PMFBP1: variants seen among roughly 807,000 people sequenced by gnomAD.
PMFBP1 encodes polyamine modulated factor 1 binding protein 1, also known as polyamine-modulated factor 1-binding protein 1.
A neutral mutation model predicts 137.8 loss-of-function variants in PMFBP1; 131 were observed. That is an observed-to-expected ratio of 0.95 (90% CI 0.82 to 1.10). PMFBP1 has a LOEUF of 1.10. Ranked by LOEUF, PMFBP1 falls within the 50% of genes least tolerant of loss-of-function variation. The pLI, the probability that PMFBP1 is intolerant of heterozygous loss-of-function variation, is 0.00. For synonymous variants in PMFBP1, 490 were observed against 450.4 expected (o/e 1.09, Z -1.11); for missense variants, 1,199 against 1,175.4 (o/e 1.02, Z -0.29).
chr16:72,141,085 C>T (rs905359944), intron 5 of PMFBP1, among the ~76,000 whole-genome samples: 52 of 152,002 alleles, frequency 3.4e-4, no homozygotes, highest in African/African-American at 1.2e-3. Flanking sequence ...CAGGCATGTG[C>T]CACCATGCCG....
chr16:72,228,431 C>T, the PMFBP1 span, among the ~76,000 whole-genome samples: 3 of 152,306 alleles, frequency 2.0e-5, no homozygotes, highest in East Asian at 5.8e-4. Flanking sequence ...CTACAATGGA[C>T]TCCATCTGCA....
At position 72,140,541 on chromosome 16, in the gene PMFBP1, G is replaced by A; in HGVS notation, c.678C>T (p.Tyr226=). The A allele has an allele frequency of 1.2e-6, 2 of 1,613,662 alleles. No individual in the cohort carries two copies. The highest frequency in any genetic ancestry group is 1.7e-6 in the Non-Finnish European group (2 of 1,179,626). The change falls in exon 6 of 21, where the codon TAC becomes TAT. Residue 226 remains tyrosine (Y), a synonymous_variant. Transcript: ENST00000237353. ...GCTCTTGAATCATGCAAGGAGAAGT[G>A]TATATCCGTACCTTTGAATGATCAC... ...NKGDHSKVRI[Y]TSPCMIQEHQ...
Position 72,164,576 on chromosome 16 carries a change from C to T in PMFBP1, c.165+188G>A, listed in dbSNP as rs573842598. ...GAGATAGATGGAAAAGTCCTGAAGG[C>T]AGGACTGGCATTTTCCATGTGTATG... is the stretch of plus-strand genomic sequence containing the variant. On this transcript the variant is annotated intron_variant, in intron 3 of 20. Coordinates refer to ENST00000237353, the MANE Select transcript of PMFBP1 (RefSeq NM_031293.3). 80 of 1,238,836 alleles carry T rather than the reference C, an allele frequency of 6.5e-5. No homozygotes were observed. In the African/African-American group the frequency reaches 1.1e-3, roughly 18 times the overall value. 76.7% of individuals were successfully genotyped at this position (1,238,836 alleles called of 1,614,324 possible).
intron 12 of PMFBP1, among the ~76,000 whole-genome samples, chr16:72,129,856 C>A (rs2042520540): frequency 6.6e-6 from 1 of 151,516 alleles, no homozygotes; most frequent in South Asian, 2.1e-4. Context: ...TAATCTTTTT[C>A]TTTTTTTTGA....
At chr16:72,144,227 G>C (rs1050465603) in intron 5 of PMFBP1, among the ~76,000 whole-genome samples, 1 of 151,988 alleles carries the variant, frequency 6.6e-6, no homozygotes, top group Non-Finnish European at 1.5e-5. Context: ...ATTCCACAGG[G>C]CATGCTAATT....
At chr16:72,237,156 T>C in the PMFBP1 span, among the ~76,000 whole-genome samples, 14 of 152,308 alleles carry the variant, frequency 9.2e-5, no homozygotes, top group East Asian at 1.9e-3. Context: ...AGGAAAATCA[T>C]TGAGCAGACA....
upstream of PMFBP1, among the ~76,000 whole-genome samples, chr16:72,179,527 G>C (rs2043269485): frequency 6.6e-6 from 1 of 152,106 alleles, no homozygotes; most frequent in Non-Finnish European, 1.5e-5. Context: ...GCAGAAATGG[G>C]CTTATAAGAT....
At chr16:72,176,458 T>G (rs2043259833), upstream of PMFBP1, among the ~76,000 whole-genome samples, 1 of 152,240 alleles carries the variant, frequency 6.6e-6, no homozygotes, top group African/African-American at 2.4e-5. Context: ...TAGCCTCTCT[T>G]GCAGCTAGGT....
the PMFBP1 span, among the ~76,000 whole-genome samples, chr16:72,247,309 A>C: frequency 6.6e-6 from 1 of 152,230 alleles, no homozygotes; most frequent in African/African-American, 2.4e-5. Context: ...CCAGGAGAGA[A>C]AAGCAGCATC....
At chr16:72,170,725 C>T (rs763172556) in intron 2 of PMFBP1, among the ~76,000 whole-genome samples, 1 of 152,184 alleles carries the variant, frequency 6.6e-6, no homozygotes, top group South Asian at 2.1e-4. Context: ...AGTCACTGCG[C>T]CTGGCCCCAT....
At chr16:72,242,027 A>G in the PMFBP1 span, among the ~76,000 whole-genome samples, 1 of 152,190 alleles carries the variant, frequency 6.6e-6, no homozygotes, top group Non-Finnish European at 1.5e-5. Flanking sequence ...TGTGTCCTGC[A>G]GTTCTCTCAA....
chr16:72,123,482 G>C, intron 18 of PMFBP1, 64 bp downstream of exon 18: 1 of 1,404,848 alleles, frequency 7.1e-7, no homozygotes, highest in Non-Finnish European at 1.0e-6. Flanking sequence ...TCTTTGGCAC[G>C]CATGTGGCTC....
At position 72,130,595 on chromosome 16, in the gene PMFBP1, C is replaced by T. The variant is rs764995873; in HGVS notation, c.1575G>A (p.Gln525=). The T allele has an allele frequency of 3.3e-5, 54 of 1,613,902 alleles. No individual in the cohort carries two copies. The Middle Eastern group carries it at 6.6e-4, about 20-fold the overall frequency. ...KQKADTIQEL[Q]RELQMLQKES... Reference sequence around the variant, plus strand: ...CCTTCTGCAGCATCTGAAGTTCTCTCTGTAGTTCCTGGATGGTGTCTGCCT... The same window carrying T: ...CCTTCTGCAGCATCTGAAGTTCTCTTTGTAGTTCCTGGATGGTGTCTGCCT... The change falls in exon 11 of 21, where the codon CAG becomes CAA. Residue 525 remains glutamine, a synonymous_variant. Transcript: ENST00000237353.
chr16:72,154,185 T>A, intron 4 of PMFBP1, 26 bp downstream of exon 4: 1 of 1,607,460 alleles, frequency 6.2e-7, no homozygotes, highest in Non-Finnish European at 8.5e-7. Flanking sequence ...GAATGTGGGT[T>A]ATTTCCATGG....
upstream of PMFBP1, among the ~76,000 whole-genome samples, chr16:72,180,643 C>T (rs139391305): frequency 3.6e-4 from 54 of 150,272 alleles, no homozygotes; most frequent in African/African-American, 1.3e-3. Flanking sequence ...GAGATTTTTT[C>T]CCCTCTTAAA....
chr16:72,240,314 G>T, the PMFBP1 span, among the ~76,000 whole-genome samples: 1 of 152,228 alleles, frequency 6.6e-6, no homozygotes, highest in Non-Finnish European at 1.5e-5. Context: ...ACTTGAATAT[G>T]ACCAAATTAT....
At chr16:72,129,335 A>T (rs774239713) in intron 12 of PMFBP1, 102 bp from the exon 13 acceptor site, 22 of 1,330,166 alleles carry the variant, frequency 1.7e-5, no homozygotes, top group Admixed American at 4.8e-5. Context: ...GATGAAGAAG[A>T]AGACAATTCC....
At chr16:72,215,518 A>C in the PMFBP1 span, among the ~76,000 whole-genome samples, 8 of 152,200 alleles carry the variant, frequency 5.3e-5, no homozygotes, top group Admixed American at 4.6e-4. Context: ...TACCCAACTA[A>C]ATAATAATTC....
the PMFBP1 span, among the ~76,000 whole-genome samples, chr16:72,183,059 C>A: frequency 1.3e-5 from 2 of 152,154 alleles, no homozygotes; most frequent in Non-Finnish European, 2.9e-5. Context: ...TCTGCTCTCT[C>A]CCCTGGCCCC....
Sources: gnomAD v4.1 joint callset for allele counts (sites outside exome capture counted in the v4.1 genomes callset) on GRCh38, gnomAD v4.1.1 for gene constraint, MANE v1.5 for transcripts, NCBI Gene and HGNC (gene_info 2026-07-23, HGNC 2026-07-21) for gene names.